Variants in PANK2 observed in about 807,000 individuals in gnomAD.
PANK2 encodes pantothenate kinase 2.
A neutral mutation model predicts 43.1 loss-of-function variants in PANK2; 36 were observed. The ratio of observed to expected loss-of-function variants is 0.84; its 90% CI spans 0.64 to 1.10. PANK2 has a LOEUF of 1.10. Among genes scored for constraint, PANK2 ranks in the 50% least tolerant of loss-of-function variants. PANK2 has a pLI of 0.00. For synonymous variants in PANK2, 281 were observed against 238.2 expected (o/e 1.18, Z -1.66); for missense variants, 576 against 593.3 (o/e 0.97, Z 0.30).
rs1568570002 is a variant in PANK2, at chr20:3,908,227, C to CT, written c.604dup (p.Cys202LeufsTer11). On this transcript the variant is annotated frameshift_variant, in exon 2 of 7. Coordinates refer to ENST00000610179, the MANE Select transcript of PANK2 (RefSeq NM_001386393.1). LOFTEE classifies it high-confidence loss of function. ...AAAACTTCTCGAGTCTCCACACTGT[C>CT]TTTTGTGCCACTGGAGGTGGAGCGT... The CT allele has an allele frequency of 6.2e-7, 1 of 1,613,008 alleles. No individual in the cohort carries two copies. The highest frequency in any genetic ancestry group is 8.5e-7 in the Non-Finnish European group (1 of 1,180,026).
intron 4 of PANK2, among the ~76,000 whole-genome samples, chr20:3,914,586 A>G (rs1179694392): frequency 2.0e-5 from 3 of 151,502 alleles, no homozygotes; most frequent in African/African-American, 7.3e-5. Flanking sequence ...GGTGTGAGCC[A>G]TCACTCCTGG....
chr20:3,910,295 GTTT>G (rs11441747), intron 2 of PANK2, among the ~76,000 whole-genome samples: 2 of 143,906 alleles, frequency 1.4e-5, no homozygotes, highest in African/African-American at 5.2e-5. Context: ...AAATGCTGTG[GTTT>G]TTTTTTTTTG....
intron 2 of PANK2, chr20:3,908,670 A>G: frequency 4.1e-6 from 1 of 245,622 alleles, no homozygotes; most frequent in Middle Eastern, 1.7e-3. Flanking sequence ...TGTCTCCCTC[A>G]GTTGTTTGCT....
chr20:3,889,214 C>T (rs200506776), upstream of PANK2: 8 of 1,612,806 alleles, frequency 5.0e-6, no homozygotes, highest in African/African-American at 1.1e-4. Flanking sequence ...CCTCCTCCAC[C>T]ACCCTCTCCC....
chr20:3,912,445 T>G lies in PANK2; in HGVS notation c.906-13T>G. 6.2e-7 allele frequency: 1 copy of G among 1,613,472 alleles called. No homozygotes were observed. The highest frequency in any genetic ancestry group is 8.5e-7 in the Non-Finnish European group (1 of 1,179,386). On this transcript the variant is annotated splice_polypyrimidine_tract_variant and intron_variant, in intron 3 of 6. Transcript: ENST00000610179. ...AAATGTTATAATACTGTGTTAATTG[T>G]TTTTAATCATAGTCTTGGAGGAGGA...
intron 1 of PANK2, among the ~76,000 whole-genome samples, chr20:3,891,580 T>G (rs970249137): frequency 2.6e-5 from 4 of 152,234 alleles, no homozygotes; most frequent in African/African-American, 9.6e-5. Context: ...TAGTTATTTC[T>G]TCATTGCTCT....
intron 5 of PANK2, among the ~76,000 whole-genome samples, chr20:3,918,341 C>T (rs2090595110): frequency 2.0e-5 from 3 of 151,594 alleles, no homozygotes; most frequent in African/African-American, 7.3e-5. Flanking sequence ...TGTCACTGTC[C>T]TTTTGGATTG....
intron 2 of PANK2, among the ~76,000 whole-genome samples, chr20:3,909,476 C>A (rs1375848840): frequency 1.3e-5 from 2 of 152,224 alleles, no homozygotes; most frequent in African/African-American, 4.8e-5. Flanking sequence ...AGTGATCTGC[C>A]TGCCTCGGCC....
At chr20:3,891,189 A>G (rs1378743011) in intron 1 of PANK2, 1 of 152,166 alleles carries the variant, frequency 6.6e-6, no homozygotes, top group Non-Finnish European at 1.5e-5. Flanking sequence ...TGCTGGGACT[A>G]AAGGCACGTG....
At chr20:3,919,170 C>T (rs955390722) in intron 6 of PANK2, among the ~76,000 whole-genome samples, 5 of 152,174 alleles carry the variant, frequency 3.3e-5, no homozygotes, top group East Asian at 3.9e-4. Context: ...CCTCAGCCTC[C>T]CAAAGTTCCA....
At chr20:3,920,037 C>CA (rs1387020370) in intron 6 of PANK2, among the ~76,000 whole-genome samples, 1 of 152,074 alleles carries the variant, frequency 6.6e-6, no homozygotes. Context: ...ACCGAATTGC[C>CA]ATTAAGTTTC....
chr20:3,904,739 G>A, intron 1 of PANK2, among the ~76,000 whole-genome samples: 1 of 152,028 alleles, frequency 6.6e-6, no homozygotes, highest in South Asian at 2.1e-4. Flanking sequence ...TTTTTTTATG[G>A]ATGAGTTATG....
rs1255261598 is a variant in PANK2, at chr20:3,898,465, G to T, written c.298+8737G>T. Reference sequence around the variant, plus strand: ...TCCACTCGCCTCGGCCTCCCAAAATGCTGGGATTATAGGCATGAGCTGCCT... The same window carrying T: ...TCCACTCGCCTCGGCCTCCCAAAATTCTGGGATTATAGGCATGAGCTGCCT... On this transcript the variant is annotated intron_variant, in intron 1 of 6. Transcript: ENST00000610179. Among the ~76,000 whole-genome samples the T allele has an allele frequency of 1.3e-5, 2 of 152,146 alleles. 1 individual carries two copies. Among genetic ancestry groups the T allele is most frequent in the Admixed American group, 1.3e-4 (2 of 15,226 alleles).
At chr20:3,912,360 TTGGATATG>T in intron 3 of PANK2, 90 bp from the exon 4 acceptor site, 1 of 1,313,280 alleles carries the variant, frequency 7.6e-7, no homozygotes, top group African/African-American at 1.5e-5. Context: ...CATGATTGGG[TTGGATATG>T]TGAATATGGT....
intron 4 of PANK2, among the ~76,000 whole-genome samples, chr20:3,914,074 C>T (rs187916687): frequency 1.3e-3 from 202 of 152,150 alleles, no homozygotes; most frequent in Middle Eastern, 6.8e-3. Context: ...CAGGCGTGAG[C>T]CACTGCGCCT....
chr20:3,904,021 C>G (rs1309577629), intron 1 of PANK2, among the ~76,000 whole-genome samples: 1 of 151,952 alleles, frequency 6.6e-6, no homozygotes, highest in Non-Finnish European at 1.5e-5. Flanking sequence ...CTCTTGAACT[C>G]CTGACCTCAG....
intron 1 of PANK2, 72 bp downstream of exon 1, chr20:3,889,800 C>G (rs2090086664): frequency 6.5e-6 from 10 of 1,547,660 alleles, no homozygotes; most frequent in African/African-American, 1.4e-5. Flanking sequence ...CCCTTCCGGC[C>G]CCGCCGCCGT....
Position 3,926,350 on chromosome 20 carries a change from C to A in PANK2, c.*3056C>A, listed in dbSNP as rs1350270105. ...GGAAGCTGCAAAGAAAACGACTGCT[C>A]AGGGAGAGGCTGGCCAGGGGCCTGT... On this transcript the variant is annotated 3_prime_UTR_variant, in exon 7 of 7. Coordinates refer to ENST00000610179, the MANE Select transcript of PANK2 (RefSeq NM_001386393.1). The A allele has an allele frequency of 1.3e-5, 2 of 152,272 alleles. No individual in the cohort carries two copies. Among genetic ancestry groups the A allele is most frequent in the African/African-American group, 4.8e-5 (2 of 41,426 alleles). 9.4% of individuals were successfully genotyped at this position (152,272 alleles called of 1,614,324 possible). A position where few individuals can be genotyped will look rare whatever the true frequency, so the allele number is the denominator to read the frequency against.
chr20:3,917,125 C>A, intron 5 of PANK2, 75 bp downstream of exon 5: 1 of 1,579,788 alleles, frequency 6.3e-7, no homozygotes, highest in Non-Finnish European at 8.7e-7. Flanking sequence ...CGTCTGTTTT[C>A]TCAGAACAGT....
Sources: gnomAD v4.1 joint callset for allele counts (sites outside exome capture counted in the v4.1 genomes callset) on GRCh38, gnomAD v4.1.1 for gene constraint, MANE v1.5 for transcripts, NCBI Gene and HGNC (gene_info 2026-07-23, HGNC 2026-07-21) for gene names.